PLCL1: variants seen among roughly 807,000 people sequenced by gnomAD.
PLCL1 encodes inactive phospholipase C-like protein 1.
In PLCL1, 41 loss-of-function variants were observed where a neutral mutation model predicts 84.4. The ratio of observed to expected loss-of-function variants is 0.49; its 90% confidence interval spans 0.38 to 0.63. The LOEUF (loss-of-function observed/expected upper bound fraction) is 0.63, where lower values mean the gene tolerates loss of function less well. Ranked by LOEUF, PLCL1 falls within the 30% of genes least tolerant of loss-of-function variation. PLCL1 has a pLI of 0.00. For synonymous variants in PLCL1, 490 were observed against 488.3 expected (o/e 1.00, Z -0.05); for missense variants, 1,206 against 1,367.8 (o/e 0.88, Z 1.87).
chr2:197,895,370 A>G (rs1688115109), intron 1 of PLCL1, among the ~76,000 whole-genome samples: 1 of 151,994 alleles, frequency 6.6e-6, no homozygotes, highest in Non-Finnish European at 1.5e-5. Flanking sequence ...ATATAGGTAA[A>G]TAAAAGATCA....
chr2:197,923,070 G>A (rs1230306047), intron 1 of PLCL1, among the ~76,000 whole-genome samples: 15 of 134,600 alleles, frequency 1.1e-4, no homozygotes, highest in African/African-American at 3.1e-4. Flanking sequence ...GCGGCTGGCC[G>A]GGCGGAGGGC....
intron 1 of PLCL1, among the ~76,000 whole-genome samples, chr2:197,883,725 A>G (rs904648059): frequency 7.2e-5 from 11 of 152,338 alleles, no homozygotes; most frequent in African/African-American, 2.6e-4. Flanking sequence ...TAAAAAATGT[A>G]TTGCCTTTAG....
At chr2:197,928,036 A>AT (rs35325683) in intron 1 of PLCL1, among the ~76,000 whole-genome samples, 43,253 of 151,894 alleles carry the variant, frequency 0.28, 7,001 homozygotes, top group East Asian at 0.5. Context: ...TGATGGTATG[A>AT]TTTTTTTGAC....
intron 1 of PLCL1, among the ~76,000 whole-genome samples, chr2:197,900,079 G>A (rs909826747): frequency 6.6e-6 from 1 of 152,108 alleles, no homozygotes; most frequent in African/African-American, 2.4e-5. Flanking sequence ...TTTCTTTATA[G>A]CACTTAACAC....
At chr2:197,815,071 G>A (rs183864532) in intron 1 of PLCL1, among the ~76,000 whole-genome samples, 357 of 152,226 alleles carry the variant, frequency 2.3e-3, no homozygotes, top group African/African-American at 8.3e-3. Context: ...CGATGAAGCC[G>A]GCTACACTAA....
At chr2:197,892,952 G>A (rs971096472) in intron 1 of PLCL1, among the ~76,000 whole-genome samples, 2 of 152,094 alleles carry the variant, frequency 1.3e-5, no homozygotes, top group African/African-American at 2.4e-5. Context: ...CTGAGATCGC[G>A]CCACTGCACT....
At chr2:197,972,382 A>G (rs977209233) in intron 1 of PLCL1, among the ~76,000 whole-genome samples, 1 of 152,236 alleles carries the variant, frequency 6.6e-6, no homozygotes, top group Non-Finnish European at 1.5e-5. Flanking sequence ...ACAAAGTGTA[A>G]CAAGATGTGA....
chr2:197,963,951 A>G (rs999480661), intron 1 of PLCL1, among the ~76,000 whole-genome samples: 2 of 151,946 alleles, frequency 1.3e-5, no homozygotes, highest in African/African-American at 4.8e-5. Context: ...TAGTCTATGT[A>G]TCTGTTTTTA....
chr2:197,943,043 C>A (rs2105775985), intron 1 of PLCL1, among the ~76,000 whole-genome samples: 1 of 150,976 alleles, frequency 6.6e-6, no homozygotes, highest in African/African-American at 2.4e-5. Context: ...CTTGTCTGTA[C>A]AAAAAAACAA....
chr2:198,052,765 G>A, intron 1 of PLCL1, among the ~76,000 whole-genome samples: 1 of 152,170 alleles, frequency 6.6e-6, no homozygotes, highest in East Asian at 1.9e-4. Flanking sequence ...GACAGGCTTT[G>A]CTGATTCTGG....
At chr2:197,977,930 A>G (rs1690021068) in intron 1 of PLCL1, among the ~76,000 whole-genome samples, 1 of 152,122 alleles carries the variant, frequency 6.6e-6, no homozygotes, top group Non-Finnish European at 1.5e-5. Flanking sequence ...ACTACCCCTC[A>G]ACTCTGCAAG....
chr2:197,882,547 C>G (rs533697463), intron 1 of PLCL1, among the ~76,000 whole-genome samples: 2 of 152,216 alleles, frequency 1.3e-5, no homozygotes, highest in South Asian at 4.2e-4. Context: ...CTAAAGCACT[C>G]AAGGGAGTTT....
intron 1 of PLCL1, among the ~76,000 whole-genome samples, chr2:197,912,594 C>A (rs896387091): frequency 6.7e-6 from 1 of 149,652 alleles, no homozygotes; most frequent in African/African-American, 2.4e-5. Flanking sequence ...CACATATACA[C>A]CATGGAATAC....
In PLCL1 at chr2:197,908,163, T is replaced by G. The variant is rs541292950; in HGVS notation, c.240+102824T>G. Among the ~76,000 whole-genome samples the G allele has an allele frequency of 1.6e-4, 24 of 152,274 alleles. No individual in the cohort carries two copies. The South Asian group carries it at 1.7e-3, about 11-fold the overall frequency. On this transcript the variant is annotated intron_variant, in intron 1 of 5. Coordinates refer to ENST00000428675, the MANE Select transcript of PLCL1 (RefSeq NM_006226.4). ...AGATAGCAAAAATAGACATGCTGCT[T>G]AAGAGAAAAAATAAGGATTTAGTTT...
intron 1 of PLCL1, among the ~76,000 whole-genome samples, chr2:198,060,271 T>C (rs551924492): frequency 1.3e-5 from 2 of 152,330 alleles, no homozygotes; most frequent in East Asian, 1.9e-4. Flanking sequence ...ACTACGGTAA[T>C]GGGCAGTGGA....
intron 1 of PLCL1, among the ~76,000 whole-genome samples, chr2:198,018,291 C>G (rs1023889871): frequency 5.3e-5 from 8 of 152,164 alleles, no homozygotes; most frequent in African/African-American, 2.4e-5. Flanking sequence ...GTTTCAAGCA[C>G]AAAACTGGGC....
intron 1 of PLCL1, chr2:198,002,033 T>A: frequency 2.5e-6 from 1 of 395,910 alleles, no homozygotes; most frequent in South Asian, 2.0e-5. Flanking sequence ...TATTTCATTA[T>A]ATATTACAAT....
chr2:198,100,677 G>A (rs1197611898), intron 3 of PLCL1, among the ~76,000 whole-genome samples: 1 of 152,050 alleles, frequency 6.6e-6, no homozygotes, highest in East Asian at 1.9e-4. Flanking sequence ...TTCTGGAAGT[G>A]GTACTTAGGA....
intron 5 of PLCL1, among the ~76,000 whole-genome samples, chr2:198,123,612 G>A (rs182596736): frequency 6.6e-6 from 1 of 152,120 alleles, no homozygotes; most frequent in Admixed American, 6.5e-5. Flanking sequence ...CTTGATATGG[G>A]ACTTTTAGCT....
Sources: allele counts gnomAD v4.1 joint callset (sites outside exome capture counted in the v4.1 genomes callset), GRCh38; gene constraint gnomAD v4.1.1; transcripts MANE v1.5; gene names NCBI Gene and HGNC (gene_info 2026-07-23, HGNC 2026-07-21).